C1orf54: variants seen among roughly 807,000 people sequenced by gnomAD.
C1orf54 encodes the protein chromosome 1 open reading frame 54.
C1orf54 carries 12 observed loss-of-function variants against 14.7 expected under a neutral mutation model. That is an observed-to-expected ratio of 0.82 (90% CI 0.52 to 1.32). The LOEUF (loss-of-function observed/expected upper bound fraction) is 1.32. Ranked by LOEUF, C1orf54 falls within the 40% of genes most tolerant of loss-of-function variation. The pLI, the probability that C1orf54 is intolerant of heterozygous loss-of-function variation, is 0.00. For synonymous variants in C1orf54, 65 were observed against 56.3 expected, an observed-to-expected ratio of 1.16 and a Z score of -0.70; for missense variants, 163 against 162.2, an observed-to-expected ratio of 1.00 and a Z score of -0.03.
At position 150,276,557 on chromosome 1, in the gene C1orf54, G is replaced by GA; in HGVS notation, c.226dup (p.Thr76AsnfsTer4). 1 of 1,614,110 alleles carries GA rather than the reference G, an allele frequency of 6.2e-7. No individual in the cohort carries two copies. The highest frequency in any genetic ancestry group is 8.5e-7 in the Non-Finnish European group (1 of 1,180,018). ...ATAAGGACATAACAGAAGCAATAGA[G>GA]ACTACCATTAGTCTTGAAACAGCAC... On this transcript the variant is annotated frameshift_variant, in exon 4 of 6. Coordinates refer to ENST00000369099, the MANE Select transcript of C1orf54 (RefSeq NM_024579.4). LOFTEE classifies it high-confidence loss of function.
chr1:150,268,842 T>C (rs374205050), upstream of C1orf54: 13 of 1,583,170 alleles, frequency 8.2e-6, no homozygotes, highest in Middle Eastern at 3.3e-4. Flanking sequence ...GGTGGGGGCC[T>C]GACCAGGACA....
Position 150,274,151 on chromosome 1 carries a change from T to C in C1orf54, c.111T>C (p.Tyr37=), listed in dbSNP as rs1652438088. Residue 37 remains tyrosine (Y), a synonymous_variant, in exon 2 of 6, where the codon TAT becomes TAC. Coordinates refer to ENST00000369099, the MANE Select transcript of C1orf54 (RefSeq NM_024579.4). ...EDEYYQVVYY[Y]TVTPSYDDFS... ...AATATTATCAGGTGGTCTATTATTA[T>C]ACAGTCACCCCCAGTTATGGTGAGT... The C allele has an allele frequency of 6.2e-7, 1 of 1,611,120 alleles. No homozygotes were observed. The highest frequency in any genetic ancestry group is 1.3e-5 in the African/African-American group (1 of 74,834).
At chr1:150,272,690 C>G, upstream of C1orf54, 2 of 923,988 alleles carry the variant, frequency 2.2e-6, no homozygotes, top group Non-Finnish European at 3.4e-6. Context: ...GGGAGTTCTG[C>G]CCCCTGGGAG....
chr1:150,268,775 G>C (rs200745916), upstream of C1orf54: 56 of 1,613,672 alleles, frequency 3.5e-5, no homozygotes, highest in Non-Finnish European at 4.4e-5. Context: ...GGCCGAACGC[G>C]ACGAAAGTGC....
At chr1:150,278,519 A>G (rs1553852921) in intron 4 of C1orf54, among the ~76,000 whole-genome samples, 1 of 152,204 alleles carries the variant, frequency 6.6e-6, no homozygotes, top group African/African-American at 2.4e-5. Context: ...AATGAGCTCA[A>G]CAGAGCCAGT....
intron 4 of C1orf54, 93 bp from the exon 5 acceptor site, chr1:150,279,550 T>C: frequency 8.9e-7 from 1 of 1,123,394 alleles, no homozygotes; most frequent in African/African-American, 1.6e-5. Flanking sequence ...CAGAGGTTGT[T>C]GTAAAGAGGT....
At chr1:150,268,934 C>T (rs1165288710), upstream of C1orf54, 3 of 765,382 alleles carry the variant, frequency 3.9e-6, no homozygotes, top group Non-Finnish European at 6.4e-6. Flanking sequence ...GCAATGTCAC[C>T]CCCAGACCCC....
intron 3 of C1orf54, 132 bp from the exon 4 acceptor site, chr1:150,276,390 G>C (rs1045640449): frequency 4.3e-6 from 3 of 693,264 alleles, no homozygotes; most frequent in East Asian, 2.6e-5. Flanking sequence ...CATAGGGTAG[G>C]GGGGAATCCC....
rs1653048411 is a variant in C1orf54, at chr1:150,280,848, G to A, written c.*17G>A. ...CTGCTTTTTTAGGTGGAAGAAGGCTGCTATGACTCTTTGGATGGGAGTCTG... is the reference window on the plus strand; with the variant it reads ...CTGCTTTTTTAGGTGGAAGAAGGCTACTATGACTCTTTGGATGGGAGTCTG... On this transcript the variant is annotated 3_prime_UTR_variant, in exon 6 of 6. Coordinates refer to ENST00000369099, the MANE Select transcript of C1orf54 (RefSeq NM_024579.4). The A allele has an allele frequency of 6.5e-7, 1 of 1,550,274 alleles. No homozygotes were observed. The highest frequency in any genetic ancestry group is 1.4e-5 in the African/African-American group (1 of 73,126).
intron 3 of C1orf54, among the ~76,000 whole-genome samples, chr1:150,276,138 A>C (rs1228326494): frequency 0.019 from 57 of 3,020 alleles, no homozygotes; most frequent in Middle Eastern, 0.056. Context: ...GACTTCATCT[A>C]CAAAAAAAAA....
chr1:150,268,967 C>G, upstream of C1orf54: 1 of 610,778 alleles, frequency 1.6e-6, no homozygotes, highest in East Asian at 2.9e-5. Flanking sequence ...GGGGGGGAAC[C>G]GAAACCCCAA....
upstream of C1orf54, chr1:150,272,726 C>A: frequency 7.4e-7 from 1 of 1,354,140 alleles, no homozygotes; most frequent in South Asian, 1.2e-5. Context: ...AGCTCCTTCC[C>A]TGCTTTGGAG....
chr1:150,274,008 C>T (rs73011384), intron 1 of C1orf54, 79 bp from the exon 2 acceptor site: 19,911 of 894,066 alleles, frequency 0.022, 1,415 homozygotes, highest in Admixed American at 0.14. Context: ...AAGCTGGGAG[C>T]GCTGAGGTCA....
intron 4 of C1orf54, among the ~76,000 whole-genome samples, chr1:150,278,175 T>G (rs1422621513): frequency 6.6e-6 from 1 of 152,210 alleles, no homozygotes; most frequent in Non-Finnish European, 1.5e-5. Flanking sequence ...CTCATGAGAT[T>G]TGCGTTGTTC....
chr1:150,272,088 C>G (rs1272325895), upstream of C1orf54, among the ~76,000 whole-genome samples: 1 of 151,684 alleles, frequency 6.6e-6, no homozygotes, highest in Non-Finnish European at 1.5e-5. Context: ...TGCAGTGAGC[C>G]GAGATCGCGC....
In C1orf54 at chr1:150,274,079, C is replaced by T. The variant is rs1553851873; in HGVS notation, c.47-8C>T. On this transcript the variant is annotated splice_region_variant and splice_polypyrimidine_tract_variant and intron_variant, in intron 1 of 5. Transcript: ENST00000369099. ...ATGTCCCTTGACCTCTAGTCCTTGT[C>T]CCCATAGGACAAGAATATGAGGATG... The T allele has an allele frequency of 6.2e-7, 1 of 1,604,122 alleles. No homozygotes were observed.
At chr1:150,269,038 C>G, upstream of C1orf54, 1 of 488,114 alleles carries the variant, frequency 2.0e-6, no homozygotes, top group Non-Finnish European at 3.8e-6. Context: ...CGGCCGCAGC[C>G]CCACGGCCAC....
intron 2 of C1orf54, among the ~76,000 whole-genome samples, chr1:150,275,279 G>A (rs1439887595): frequency 6.6e-6 from 1 of 151,606 alleles, no homozygotes; most frequent in Non-Finnish European, 1.5e-5. Flanking sequence ...CTCGTGATCT[G>A]CCCACCTCAG....
chr1:150,270,551 G>A (rs1398659657), upstream of C1orf54, among the ~76,000 whole-genome samples: 2 of 152,090 alleles, frequency 1.3e-5, no homozygotes, highest in South Asian at 2.1e-4. Flanking sequence ...GCTGAGCCAC[G>A]AGAATAGCTT....
Sources: gnomAD v4.1 joint callset for allele counts (sites outside exome capture counted in the v4.1 genomes callset) on GRCh38, gnomAD v4.1.1 for gene constraint, MANE v1.5 for transcripts, NCBI Gene and HGNC (gene_info 2026-07-23, HGNC 2026-07-21) for gene names.